DCT: variants seen among roughly 807,000 people sequenced by gnomAD.
DCT encodes the protein dopachrome tautomerase, also known as L-dopachrome tautomerase.
Under a neutral mutation model 53.0 loss-of-function variants are expected in DCT, and 47 were observed. The ratio of observed to expected loss-of-function variants is 0.89; its 90% CI spans 0.70 to 1.13. DCT has a LOEUF of 1.13. DCT is among the 50% of genes most tolerant of loss of function. The probability of loss-of-function intolerance (pLI) is 0.00; values close to 1 mark genes in which losing one functional copy is unlikely to be tolerated. For missense variants in DCT, 669 were observed against 637.4 expected (o/e 1.05, Z -0.53); for synonymous variants, 244 against 237.0 (o/e 1.03, Z -0.27).
chr13:94,532,269 C>T, the DCT span, among the ~76,000 whole-genome samples: 11 of 152,042 alleles, frequency 7.2e-5, no homozygotes, highest in Non-Finnish European at 1.2e-4. Flanking sequence ...CATTTGACCC[C>T]GCCATCCCAT....
chr13:94,470,269 C>T (rs1300900578), intron 1 of DCT, among the ~76,000 whole-genome samples: 1 of 152,150 alleles, frequency 6.6e-6, no homozygotes, highest in Non-Finnish European at 1.5e-5. Context: ...GAATCAGTAG[C>T]CATGATGTCA....
chr13:94,456,034 C>T (rs1426817144), intron 6 of DCT, among the ~76,000 whole-genome samples: 5 of 152,100 alleles, frequency 3.3e-5, no homozygotes, highest in Admixed American at 6.6e-5. Flanking sequence ...ATGGCTGAGA[C>T]GATAGCCAGA....
At chr13:94,524,149 G>C in the DCT span, among the ~76,000 whole-genome samples, 2 of 151,998 alleles carry the variant, frequency 1.3e-5, no homozygotes, top group Non-Finnish European at 2.9e-5. Context: ...AGCTATGACC[G>C]GGGTGTAGAA....
chr13:94,481,479 C>T (rs1278189308), upstream of DCT, among the ~76,000 whole-genome samples: 1 of 152,120 alleles, frequency 6.6e-6, no homozygotes, highest in Non-Finnish European at 1.5e-5. Context: ...GAATTTTATT[C>T]CAGGTTTTTG....
At chr13:94,507,870 T>C in the DCT span, among the ~76,000 whole-genome samples, 1 of 152,234 alleles carries the variant, frequency 6.6e-6, no homozygotes, top group African/African-American at 2.4e-5. Context: ...CTTCTAACTT[T>C]ATAGAGTCAA....
chr13:94,497,885 T>TGTGC, the DCT span, among the ~76,000 whole-genome samples: 2 of 152,186 alleles, frequency 1.3e-5, no homozygotes, highest in African/African-American at 4.8e-5. Context: ...TATGTGTGTG[T>TGTGC]GTGTGTGTAC....
chr13:94,464,059 A>T (rs1017278424), intron 4 of DCT, among the ~76,000 whole-genome samples: 21 of 152,240 alleles, frequency 1.4e-4, no homozygotes, highest in African/African-American at 4.6e-4. Flanking sequence ...ACCATCCACT[A>T]CTATTCCAAG....
the DCT span, among the ~76,000 whole-genome samples, chr13:94,541,229 C>T: frequency 6.6e-6 from 1 of 152,086 alleles, no homozygotes; most frequent in Non-Finnish European, 1.5e-5. Context: ...TCAGGCTGGA[C>T]ACAGTGGCTC....
the DCT span, among the ~76,000 whole-genome samples, chr13:94,503,471 A>T: frequency 7.6e-6 from 1 of 131,856 alleles, no homozygotes; most frequent in African/African-American, 2.9e-5. Flanking sequence ...AGGGAAGAGG[A>T]GGGGAGGGGA....
the DCT span, among the ~76,000 whole-genome samples, chr13:94,514,488 T>C: frequency 6.6e-6 from 1 of 152,122 alleles, no homozygotes; most frequent in African/African-American, 2.4e-5. Context: ...CTGGGCTGAG[T>C]CACTGGAAGG....
At chr13:94,549,307 C>G in the DCT span, among the ~76,000 whole-genome samples, 4 of 152,356 alleles carry the variant, frequency 2.6e-5, no homozygotes, top group East Asian at 7.7e-4. Context: ...CTCCTCCCAT[C>G]GGAGCCTCGG....
chr13:94,539,203 A>G, the DCT span, among the ~76,000 whole-genome samples: 1 of 152,198 alleles, frequency 6.6e-6, no homozygotes, highest in Non-Finnish European at 1.5e-5. Context: ...CAACACAGAG[A>G]ATGAAAGTTG....
chr13:94,532,038 C>T, the DCT span, among the ~76,000 whole-genome samples: 2 of 152,152 alleles, frequency 1.3e-5, no homozygotes, highest in African/African-American at 4.8e-5. Flanking sequence ...TGAAAAAATG[C>T]TTATCATCAC....
the DCT span, among the ~76,000 whole-genome samples, chr13:94,491,815 A>G: frequency 3.3e-5 from 5 of 152,172 alleles, no homozygotes; most frequent in African/African-American, 4.8e-5. Context: ...GCATTTGTCA[A>G]TCAGTACTGG....
chr13:94,460,066 A>G (rs773213304), intron 6 of DCT, 25 bp downstream of exon 6: 18 of 1,606,270 alleles, frequency 1.1e-5, no homozygotes, highest in Non-Finnish European at 1.5e-5. Context: ...GAAAATTTTC[A>G]TGCATTCTGA....
At chr13:94,502,002 G>A in the DCT span, among the ~76,000 whole-genome samples, 2 of 147,594 alleles carry the variant, frequency 1.4e-5, no homozygotes, top group Admixed American at 6.8e-5. Flanking sequence ...GCTCTGCTGA[G>A]GGTGCCTTCA....
intron 1 of DCT, among the ~76,000 whole-genome samples, chr13:94,475,528 G>A (rs2139372174): frequency 6.6e-6 from 1 of 152,270 alleles, no homozygotes; most frequent in Admixed American, 6.5e-5. Flanking sequence ...AGGGGATGGG[G>A]GAGGGGCGAT....
At chr13:94,450,526 T>C (rs922375920) in intron 6 of DCT, among the ~76,000 whole-genome samples, 2 of 152,154 alleles carry the variant, frequency 1.3e-5, no homozygotes, top group African/African-American at 4.8e-5. Flanking sequence ...GTATACTATA[T>C]GTGTGTAAAA....
chr13:94,487,642 C>T, the DCT span, among the ~76,000 whole-genome samples: 1 of 152,158 alleles, frequency 6.6e-6, no homozygotes, highest in Non-Finnish European at 1.5e-5. Flanking sequence ...AAAACATATG[C>T]ATCTTTCTCC....
Sources: allele counts gnomAD v4.1 joint callset (sites outside exome capture counted in the v4.1 genomes callset), GRCh38; gene constraint gnomAD v4.1.1; transcripts MANE v1.5; gene names NCBI Gene and HGNC (gene_info 2026-07-23, HGNC 2026-07-21).